The following SVOP variants were observed in gnomAD, a reference collection of about 807,000 sequenced individuals.
SVOP encodes the protein SV2 related protein.
SVOP carries 17 observed loss-of-function variants against 69.1 expected under a neutral mutation model. That is an observed-to-expected ratio of 0.25 (90% CI 0.17 to 0.37). SVOP has a LOEUF of 0.37. SVOP is among the 10% of genes least tolerant of loss of function. SVOP has a pLI of 1.00. For synonymous variants in SVOP, 238 were observed against 238.6 expected (o/e 1.00, Z 0.02); for missense variants, 435 against 597.5 (o/e 0.73, Z 2.84).
chr12:109,010,051 A>T (rs1373065208), intron 1 of SVOP, among the ~76,000 whole-genome samples: 3 of 150,518 alleles, frequency 2.0e-5, no homozygotes, highest in African/African-American at 7.4e-5. Context: ...AGAGCCCAGG[A>T]GTTTGAAGGC....
chr12:108,934,543 T>G (rs2039844691), intron 10 of SVOP, among the ~76,000 whole-genome samples: 1 of 151,978 alleles, frequency 6.6e-6, no homozygotes, highest in African/African-American at 2.4e-5. Flanking sequence ...TGAATAGGGG[T>G]TGGGTAAATG....
intron 1 of SVOP, among the ~76,000 whole-genome samples, chr12:109,009,398 G>A (rs1346419291): frequency 6.6e-6 from 1 of 152,118 alleles, no homozygotes. Context: ...TGCAGAAGAT[G>A]CACACGTTGT....
At chr12:109,008,296 G>T (rs945476660) in intron 1 of SVOP, among the ~76,000 whole-genome samples, 2 of 152,154 alleles carry the variant, frequency 1.3e-5, no homozygotes, top group African/African-American at 4.8e-5. Context: ...TGGGGCCCAA[G>T]AACCTGAATT....
chr12:108,996,744 A>G (rs1340464528), intron 1 of SVOP, among the ~76,000 whole-genome samples: 3 of 152,040 alleles, frequency 2.0e-5, no homozygotes, highest in Admixed American at 2.0e-4. Context: ...CAGCCTGGGT[A>G]ACAAAGTGAG....
intron 1 of SVOP, among the ~76,000 whole-genome samples, chr12:109,004,345 G>A (rs2040291690): frequency 6.6e-6 from 1 of 150,634 alleles, no homozygotes; most frequent in Non-Finnish European, 1.5e-5. Context: ...GATCTTGTTT[G>A]TACCACCATA....
intron 2 of SVOP, among the ~76,000 whole-genome samples, chr12:108,982,074 CT>C (rs1305172584): frequency 1.4e-4 from 21 of 151,712 alleles, no homozygotes; most frequent in Non-Finnish European, 1.5e-5. Flanking sequence ...TAACCACCAT[CT>C]TCATCATCAT....
At chr12:108,913,504 T>C (rs1219995404) in intron 15 of SVOP, among the ~76,000 whole-genome samples, 1 of 152,166 alleles carries the variant, frequency 6.6e-6, no homozygotes, top group Non-Finnish European at 1.5e-5. Context: ...TTCATACAGA[T>C]AATAAGGATG....
rs151251391 is a variant in SVOP, at chr12:108,922,304, C to T, written c.1156+386G>A. 2.1e-4 allele frequency among the ~76,000 whole-genome samples: 32 copies of T among 152,292 alleles called. No individual in the cohort carries two copies. In the East Asian group the frequency reaches 5.6e-3, roughly 27 times the overall value. Reference sequence around the variant, plus strand: ...TTGGGTTCCCTAAGCTTGGGGTTCCCCAGCTGTGTTGAAAATCCATTGCAT... The same window carrying T: ...TTGGGTTCCCTAAGCTTGGGGTTCCTCAGCTGTGTTGAAAATCCATTGCAT... On this transcript the variant is annotated intron_variant, in intron 12 of 15. Coordinates refer to ENST00000610966, the MANE Select transcript of SVOP (RefSeq NM_018711.5).
intron 1 of SVOP, among the ~76,000 whole-genome samples, chr12:108,986,111 C>A (rs932642667): frequency 9.2e-5 from 14 of 152,204 alleles, no homozygotes; most frequent in Admixed American, 9.2e-4. Flanking sequence ...TAACATTTCA[C>A]CCCCTCTACC....
chr12:108,912,604 G>A lies in SVOP; in HGVS notation c.1578C>T (p.Gly526=). The A allele has an allele frequency of 6.2e-7, 1 of 1,613,860 alleles. No homozygotes were observed. Among genetic ancestry groups the A allele is most frequent in the Non-Finnish European group, 8.5e-7 (1 of 1,179,846 alleles). Residue 526 remains glycine, a synonymous_variant, in exon 16 of 16, where the codon GGC becomes GGT. Transcript: ENST00000610966. ...GLQESSHREW[G]QEMVGRGMHG... Reference sequence around the variant, plus strand: ...GCATTCCTCGGCCGACCATCTCCTGGCCCCACTCCCGGTGGCTGGACTCCT... The same window carrying A: ...GCATTCCTCGGCCGACCATCTCCTGACCCCACTCCCGGTGGCTGGACTCCT...
chr12:109,001,759 T>C (rs1334067725), intron 1 of SVOP, among the ~76,000 whole-genome samples: 2 of 150,980 alleles, frequency 1.3e-5, no homozygotes, highest in Non-Finnish European at 3.0e-5. Flanking sequence ...TAGCCATATG[T>C]AGGAAGCTGA....
At chr12:108,912,885 T>A in intron 15 of SVOP, 144 bp from the exon 16 acceptor site, 1 of 878,738 alleles carries the variant, frequency 1.1e-6, no homozygotes, top group Non-Finnish European at 1.7e-6. Flanking sequence ...TCTCCCCCTT[T>A]GTCCCTCTCT....
chr12:108,982,075 T>TTCA (rs1344097372), intron 2 of SVOP, among the ~76,000 whole-genome samples: 1 of 145,052 alleles, frequency 6.9e-6, no homozygotes, highest in Admixed American at 6.8e-5. Context: ...AACCACCATC[T>TTCA]TCATCATCAT....
chr12:108,964,210 A>G (rs770408324), intron 5 of SVOP, among the ~76,000 whole-genome samples: 14 of 152,242 alleles, frequency 9.2e-5, no homozygotes, highest in Middle Eastern at 3.4e-3. Context: ...AATCAAAAAA[A>G]AGAAAGAAAG....
chr12:108,986,983 G>GTGGTAAAATATACATGCCA (rs2040169308), intron 1 of SVOP, among the ~76,000 whole-genome samples: 1 of 152,106 alleles, frequency 6.6e-6, no homozygotes, highest in African/African-American at 2.4e-5. Context: ...TTTTTCTACT[G>GTGGTAAAATATACATGCCA]TGGTAAAATA....
rs149813454 is a variant in SVOP, at chr12:108,955,918, G to A, written c.578+5005C>T. On this transcript the variant is annotated intron_variant, in intron 6 of 15. Transcript: ENST00000610966. ...CAGATGCAGGAAGGTTCAGTGACTT[G>A]CCTGAGGTCATACAGCTATTATGTG... Among the ~76,000 whole-genome samples the A allele has an allele frequency of 3.9e-5, 6 of 152,296 alleles. No individual in the cohort carries two copies. In the East Asian group the frequency reaches 9.6e-4, roughly 24 times the overall value.
chr12:108,943,250 A>C (rs954121517), intron 7 of SVOP, among the ~76,000 whole-genome samples: 1 of 152,080 alleles, frequency 6.6e-6, no homozygotes, highest in Admixed American at 6.6e-5. Context: ...TGTTGCTGGC[A>C]ATCAGAAGTG....
intron 6 of SVOP, among the ~76,000 whole-genome samples, chr12:108,956,342 T>C (rs2039985978): frequency 6.6e-6 from 1 of 151,232 alleles, no homozygotes; most frequent in South Asian, 2.1e-4. Flanking sequence ...TTCTAGGCTG[T>C]CTCTTCCAGT....
At chr12:108,943,842 C>CCTT (rs370163741) in intron 7 of SVOP, among the ~76,000 whole-genome samples, 2,555 of 144,686 alleles carry the variant, frequency 0.018, 32 homozygotes, top group Middle Eastern at 0.082. Context: ...TCCTCCTCCT[C>CCTT]CTTCTTCTCC....
Sources: allele counts gnomAD v4.1 joint callset (sites outside exome capture counted in the v4.1 genomes callset), GRCh38; gene constraint gnomAD v4.1.1; transcripts MANE v1.5; gene names NCBI Gene and HGNC (gene_info 2026-07-23, HGNC 2026-07-21).